TM7SF3: variants seen among roughly 807,000 people sequenced by gnomAD.
TM7SF3 encodes the protein transmembrane 7 superfamily member 3.
Under a neutral mutation model 65.5 loss-of-function variants are expected in TM7SF3, and 60 were observed. That is an observed-to-expected ratio of 0.92 (90% CI 0.74 to 1.14). TM7SF3 has a LOEUF of 1.14. Ranked by LOEUF, TM7SF3 falls within the 50% of genes most tolerant of loss-of-function variation. The pLI is 0.00. For missense variants in TM7SF3, 623 were observed against 684.8 expected, an observed-to-expected ratio of 0.91 and a Z score of 1.01; for synonymous variants, 264 against 259.6, an observed-to-expected ratio of 1.02 and a Z score of -0.16.
At chr12:26,977,363 T>C (rs1428230137) in intron 9 of TM7SF3, among the ~76,000 whole-genome samples, 1 of 152,274 alleles carries the variant, frequency 6.6e-6, no homozygotes, top group Non-Finnish European at 1.5e-5. Context: ...TTTCAGAGAA[T>C]AAGCTCATTG....
rs192369447 is a variant in TM7SF3 at position 26,974,355 on chromosome 12, A to G, written c.1451-128T>C. 3 of 979,992 alleles carry G rather than the reference A, an allele frequency of 3.1e-6. No homozygotes were observed. In the African/African-American group the frequency reaches 4.9e-5, roughly 16 times the overall value. 60.7% of individuals were successfully genotyped at this position (979,992 alleles called of 1,614,324 possible). ...GACTTTCTGGTGAGTTAGTCCAAAC[A>G]CATATGTAGTTCCTCAGTTACAAAC... On this transcript the variant is annotated intron_variant, in intron 11 of 11. Coordinates refer to ENST00000343028, the MANE Select transcript of TM7SF3 (RefSeq NM_016551.3).
At position 26,990,985 on chromosome 12, in the gene TM7SF3, A is replaced by G. The variant is rs568985451; in HGVS notation, c.691-358T>C. ...TTGTGCACTGCTCTTTCCTCAGTGT[A>G]CAGCCCAATGCCTAACACAGAGGAT... is the stretch of plus-strand genomic sequence containing the variant. On this transcript the variant is annotated intron_variant, in intron 5 of 11. Coordinates refer to ENST00000343028, the MANE Select transcript of TM7SF3 (RefSeq NM_016551.3). 2.6e-5 allele frequency among the ~76,000 whole-genome samples: 4 copies of G among 152,340 alleles called. No individual in the cohort carries two copies. The South Asian group carries it at 8.3e-4, about 32-fold the overall frequency.
At chr12:26,977,917 G>A in intron 9 of TM7SF3, 3 of 307,742 alleles carry the variant, frequency 9.7e-6, no homozygotes, top group South Asian at 7.6e-5. Context: ...CTAGGCAACA[G>A]TGAGACTCTG....
intron 11 of TM7SF3, 108 bp from the exon 12 acceptor site, chr12:26,974,335 T>C (rs189626254): frequency 3.8e-4 from 454 of 1,209,120 alleles, no homozygotes; most frequent in Middle Eastern, 8.0e-4. Flanking sequence ...TAATAGACTT[T>C]CTGGTGAGTT....
At chr12:26,974,263 A>G in intron 11 of TM7SF3, 36 bp from the exon 12 acceptor site, 1 of 1,587,536 alleles carries the variant, frequency 6.3e-7, no homozygotes, top group Non-Finnish European at 8.6e-7. Flanking sequence ...TTTGAACTCT[A>G]GTATTTTAAA....
intron 3 of TM7SF3, among the ~76,000 whole-genome samples, chr12:26,997,177 A>G (rs12227386): frequency 0.23 from 34,714 of 152,090 alleles, 4,184 homozygotes; most frequent in East Asian, 0.49. Context: ...AGCCACAGGC[A>G]ATACGTACAG....
intron 7 of TM7SF3, among the ~76,000 whole-genome samples, chr12:26,981,726 T>G (rs1255437646): frequency 2.6e-5 from 4 of 152,202 alleles, no homozygotes; most frequent in African/African-American, 9.7e-5. Flanking sequence ...AGGATTACAT[T>G]TGAGCTACCT....
intron 5 of TM7SF3, among the ~76,000 whole-genome samples, chr12:26,992,444 C>T (rs1191102947): frequency 6.6e-6 from 1 of 152,058 alleles, no homozygotes; most frequent in East Asian, 1.9e-4. Context: ...ACCACTACGC[C>T]CAGCTAATTT....
At chr12:27,012,359 G>A (rs1941277375) in intron 1 of TM7SF3, among the ~76,000 whole-genome samples, 1 of 151,572 alleles carries the variant, frequency 6.6e-6, no homozygotes, top group Non-Finnish European at 1.5e-5. Context: ...TATAAGCAAG[G>A]TTTTTCTGCA....
At chr12:27,010,467 A>T (rs148205691) in intron 1 of TM7SF3, among the ~76,000 whole-genome samples, 2 of 152,248 alleles carry the variant, frequency 1.3e-5, no homozygotes, top group Non-Finnish European at 2.9e-5. Context: ...AAGACAACTT[A>T]AACAGCTCAG....
intron 6 of TM7SF3, among the ~76,000 whole-genome samples, chr12:26,987,362 GCT>G (rs926301026): frequency 9.9e-5 from 15 of 152,030 alleles, no homozygotes; most frequent in African/African-American, 3.6e-4. Context: ...GCGAATGGTC[GCT>G]CTCTCTCTCC....
At position 27,012,785 on chromosome 12, in the gene TM7SF3, G is replaced by C. The variant is rs570783938; in HGVS notation, c.91+1293C>G. 3.7e-4 allele frequency: 170 copies of C among 453,682 alleles called. 1 individual carries two copies. Among genetic ancestry groups the C allele is most frequent in the Non-Finnish European group, 6.2e-4 (139 of 225,564 alleles). The allele number at this position is 453,682 out of a possible 1,614,324, so 28.1% of individuals were successfully genotyped here. On this transcript the variant is annotated intron_variant, in intron 1 of 11. Coordinates refer to ENST00000343028, the MANE Select transcript of TM7SF3 (RefSeq NM_016551.3). Reference sequence around the variant, plus strand: ...GAGGCCAAGGCGGGCAGATCACGAGGTCAGGAGTTCGAGACCAGCCTGAAC... The same window carrying C: ...GAGGCCAAGGCGGGCAGATCACGAGCTCAGGAGTTCGAGACCAGCCTGAAC...
In TM7SF3 at chr12:26,979,929, C is replaced by A. The variant is rs768991959; in HGVS notation, c.1044G>T (p.Leu348=). Residue 348 remains leucine (L), a synonymous_variant, in exon 9 of 12, where the codon CTG becomes CTT. Transcript: ENST00000343028. ...CGCTTCCAGTGACAGCTGTCAGAATCAGATTCACTGTACAAAGAGAGAGGA... is the reference window on the plus strand; with the variant it reads ...CGCTTCCAGTGACAGCTGTCAGAATAAGATTCACTGTACAAAGAGAGAGGA... ...RLTPIKYDVN[L]ILTAVTGSVG... 24 of 1,614,136 alleles carry A rather than the reference C, an allele frequency of 1.5e-5. No homozygotes were observed. Among genetic ancestry groups the A allele is most frequent in the Non-Finnish European group, 2.0e-5 (24 of 1,180,016 alleles).
chr12:26,999,267 G>A (rs1414307766), intron 3 of TM7SF3, among the ~76,000 whole-genome samples: 1 of 151,894 alleles, frequency 6.6e-6, no homozygotes, highest in Admixed American at 6.6e-5. Context: ...CTGGTGGCGG[G>A]CGCCTGTAAT....
chr12:27,008,098 G>C (rs958967580), intron 1 of TM7SF3, among the ~76,000 whole-genome samples: 2 of 151,768 alleles, frequency 1.3e-5, no homozygotes, highest in Non-Finnish European at 2.9e-5. Flanking sequence ...TCAGGTAATA[G>C]GGTATTCTCA....
chr12:27,011,460 C>G (rs139576970), intron 1 of TM7SF3, among the ~76,000 whole-genome samples: 13 of 152,316 alleles, frequency 8.5e-5, no homozygotes, highest in African/African-American at 2.4e-4. Context: ...CTCAGACATT[C>G]TAGGAACTCC....
At chr12:26,991,060 C>T (rs1940334966) in intron 5 of TM7SF3, among the ~76,000 whole-genome samples, 2 of 151,696 alleles carry the variant, frequency 1.3e-5, no homozygotes, top group South Asian at 4.1e-4. Context: ...TAACATCTCG[C>T]AGACAGTACC....
Position 26,984,687 on chromosome 12 carries a change from A to G in TM7SF3, c.869-1828T>C, listed in dbSNP as rs185231554. ...CAGTTAGATACTCTTCCATAACATT[A>G]GAGGGGAACTAAATCCCCTATCACA... On this transcript the variant is annotated intron_variant, in intron 6 of 11. Transcript: ENST00000343028. Among the ~76,000 whole-genome samples the G allele has an allele frequency of 4.2e-4, 64 of 152,320 alleles. 1 individual carries two copies. The East Asian group carries it at 8.9e-3, about 21-fold the overall frequency.
At position 26,995,414 on chromosome 12, in the gene TM7SF3, G is replaced by C; in HGVS notation, c.519-6C>G. On this transcript the variant is annotated splice_region_variant and splice_polypyrimidine_tract_variant and intron_variant, in intron 4 of 11. Coordinates refer to ENST00000343028, the MANE Select transcript of TM7SF3 (RefSeq NM_016551.3). ...ATGGTGGGGGATCTACGCCTCTAAA[G>C]TCAACCAACAAAATGAAACATCAGT... is the stretch of plus-strand genomic sequence containing the variant. 2 of 1,614,036 alleles carry C rather than the reference G, an allele frequency of 1.2e-6. No individual in the cohort carries two copies. Among genetic ancestry groups the C allele is most frequent in the Non-Finnish European group, 1.7e-6 (2 of 1,179,960 alleles).
Sources: allele counts gnomAD v4.1 joint callset (sites outside exome capture counted in the v4.1 genomes callset), GRCh38; gene constraint gnomAD v4.1.1; transcripts MANE v1.5; gene names NCBI Gene and HGNC (gene_info 2026-07-23, HGNC 2026-07-21).